The following TMEM108 variants were observed in gnomAD, a reference collection of about 807,000 sequenced individuals.
The protein encoded by TMEM108 is transmembrane protein 108.
A neutral mutation model predicts 35.1 loss-of-function variants in TMEM108; 12 were observed. That is an observed-to-expected ratio of 0.34 (90% CI 0.22 to 0.55). The LOEUF is 0.55. Ranked by LOEUF, TMEM108 falls within the 20% of genes least tolerant of loss-of-function variation. TMEM108 has a pLI of 0.89. For synonymous variants in TMEM108, 287 were observed against 308.6 expected, an observed-to-expected ratio of 0.93 and a Z score of 0.73; for missense variants, 680 against 753.3, an observed-to-expected ratio of 0.90 and a Z score of 1.14.
chr3:133,390,464 C>T (rs1250698272), intron 5 of TMEM108, 130 bp downstream of exon 5: 3 of 1,061,306 alleles, frequency 2.8e-6, no homozygotes, highest in Non-Finnish European at 1.4e-6. Context: ...TCAATAACAC[C>T]CAAGAGGTTG....
At chr3:133,132,935 G>A (rs1197210159) in intron 2 of TMEM108, among the ~76,000 whole-genome samples, 3 of 152,128 alleles carry the variant, frequency 2.0e-5, no homozygotes, top group African/African-American at 2.4e-5. Flanking sequence ...AAGTCACTGC[G>A]GATGTAGTGG....
chr3:133,275,991 G>A (rs1002078505), intron 3 of TMEM108, among the ~76,000 whole-genome samples: 6 of 152,162 alleles, frequency 3.9e-5, no homozygotes, highest in South Asian at 2.1e-4. Context: ...AGCCATGGAC[G>A]TGGCATTCTG....
chr3:133,110,126 T>C (rs184974088), intron 2 of TMEM108, among the ~76,000 whole-genome samples: 108 of 152,084 alleles, frequency 7.1e-4, no homozygotes, highest in African/African-American at 2.5e-3. Context: ...TCAGTGAAAA[T>C]GCAATCAGAT....
At chr3:133,129,865 A>G (rs1944466802) in intron 2 of TMEM108, among the ~76,000 whole-genome samples, 1 of 143,036 alleles carries the variant, frequency 7.0e-6, no homozygotes, top group Admixed American at 7.0e-5. Context: ...ATTACTTTCT[A>G]AATGTATTAT....
At chr3:133,231,649 CAG>C (rs1358520136) in intron 3 of TMEM108, among the ~76,000 whole-genome samples, 4 of 152,128 alleles carry the variant, frequency 2.6e-5, no homozygotes, top group African/African-American at 9.7e-5. Context: ...AACAGTAACT[CAG>C]GGGAAGAGGA....
chr3:133,114,269 G>A (rs1944260113), intron 2 of TMEM108, among the ~76,000 whole-genome samples: 1 of 152,112 alleles, frequency 6.6e-6, no homozygotes, highest in Non-Finnish European at 1.5e-5. Context: ...AAGCATGTAG[G>A]AAATTTTGTT....
chr3:133,107,884 C>T (rs147164127), intron 2 of TMEM108, among the ~76,000 whole-genome samples: 2 of 152,256 alleles, frequency 1.3e-5, no homozygotes, highest in East Asian at 3.9e-4. Flanking sequence ...TAAAGTGGCT[C>T]CACATCTTTG....
intron 3 of TMEM108, among the ~76,000 whole-genome samples, chr3:133,349,341 G>A (rs537843559): frequency 1.2e-4 from 18 of 151,922 alleles, no homozygotes; most frequent in African/African-American, 4.3e-4. Flanking sequence ...AATAGTAAAG[G>A]GATTATTTAA....
At chr3:133,255,601 G>A (rs1324753565) in intron 3 of TMEM108, among the ~76,000 whole-genome samples, 2 of 152,130 alleles carry the variant, frequency 1.3e-5, no homozygotes, top group Non-Finnish European at 2.9e-5. Flanking sequence ...TAGAGACAAT[G>A]GGGGAGACGT....
chr3:133,295,039 C>G (rs994041911), intron 3 of TMEM108, among the ~76,000 whole-genome samples: 3 of 152,052 alleles, frequency 2.0e-5, no homozygotes, highest in African/African-American at 7.2e-5. Flanking sequence ...GTATCCCCTC[C>G]CCACTAGGTA....
intron 3 of TMEM108, among the ~76,000 whole-genome samples, chr3:133,244,743 C>G (rs140873243): frequency 2.0e-5 from 3 of 152,156 alleles, no homozygotes; most frequent in African/African-American, 7.2e-5. Context: ...ACTTCGAAAA[C>G]GTAAAGTTCT....
chr3:133,092,549 A>G (rs966339479), intron 2 of TMEM108, among the ~76,000 whole-genome samples: 3 of 152,246 alleles, frequency 2.0e-5, no homozygotes, highest in African/African-American at 7.2e-5. Context: ...TTTGATTTTT[A>G]ACCCTGTTTT....
chr3:133,080,416 A>G (rs377008324), intron 2 of TMEM108, among the ~76,000 whole-genome samples: 2 of 152,174 alleles, frequency 1.3e-5, no homozygotes, highest in Non-Finnish European at 2.9e-5. Flanking sequence ...CATCTTCACC[A>G]TATTTTTTGC....
rs111514080 is a variant in TMEM108 at position 133,152,994 on chromosome 3, A to T, written c.-46-76272A>T. Among the ~76,000 whole-genome samples the T allele has an allele frequency of 5.9e-3, 901 of 152,226 alleles. 8 individuals are homozygous for T. The highest frequency in any genetic ancestry group is 0.01 in the South Asian group (49 of 4,816). ...TGTTTCATTTTGTACTCAGGCCAAG[A>T]TTTAACAGTCATGAGGGTTGGTTGT... On this transcript the variant is annotated intron_variant, in intron 2 of 5. Coordinates refer to ENST00000321871, the MANE Select transcript of TMEM108 (RefSeq NM_023943.4).
At chr3:133,078,424 AAG>A (rs1445175592) in intron 2 of TMEM108, among the ~76,000 whole-genome samples, 1 of 152,120 alleles carries the variant, frequency 6.6e-6, no homozygotes, top group Non-Finnish European at 1.5e-5. Context: ...ATGCTCTACA[AAG>A]CTGCTTTGTA....
At position 133,355,657 on chromosome 3, in the gene TMEM108, C is replaced by T. The variant is rs74648552; in HGVS notation, c.41-24095C>T. On this transcript the variant is annotated intron_variant, in intron 3 of 5. Transcript: ENST00000321871. Reference sequence around the variant, plus strand: ...CCAAAGCAACAACCAAGTTCTACAACGGAACAAAGGAAAGAAGACACTCAC... The same window carrying T: ...CCAAAGCAACAACCAAGTTCTACAATGGAACAAAGGAAAGAAGACACTCAC... 1.1e-4 allele frequency among the ~76,000 whole-genome samples: 17 copies of T among 152,192 alleles called. No homozygotes were observed. The East Asian group carries it at 1.2e-3, about 10-fold the overall frequency.
chr3:133,295,114 A>G lies in TMEM108; in HGVS notation c.40+65763A>G, dbSNP rs139222928. ...ATAAAATTTGAGATGCTGCAGTCAC[A>G]TATTATTAACATTTAGATCATAAGC... is the stretch of plus-strand genomic sequence containing the variant. On this transcript the variant is annotated intron_variant, in intron 3 of 5. Transcript: ENST00000321871. 6.6e-5 allele frequency among the ~76,000 whole-genome samples: 10 copies of G among 152,340 alleles called. No homozygotes were observed. The East Asian group carries it at 1.9e-3, about 29-fold the overall frequency.
intron 2 of TMEM108, among the ~76,000 whole-genome samples, chr3:133,151,633 T>C (rs976310078): frequency 2.6e-5 from 4 of 152,130 alleles, no homozygotes; most frequent in South Asian, 2.1e-4. Flanking sequence ...AAATAAATAA[T>C]AGTAACAAAG....
Position 133,397,291 on chromosome 3 carries a change from G to A in TMEM108, c.*1305G>A, listed in dbSNP as rs2107869045. ...TTGATAGTATATTTTGAATATAGATGCTCTTATAGTCAGATTGGGAATTGA... is the reference window on the plus strand; with the variant it reads ...TTGATAGTATATTTTGAATATAGATACTCTTATAGTCAGATTGGGAATTGA... On this transcript the variant is annotated 3_prime_UTR_variant, in exon 6 of 6. Transcript: ENST00000321871. 6.6e-6 allele frequency: 1 copy of A among 152,024 alleles called. No individual in the cohort carries two copies. The highest frequency in any genetic ancestry group is 1.9e-4 in the East Asian group (1 of 5,178). The allele number at this position is 152,024 out of a possible 1,614,324, so 9.4% of individuals were successfully genotyped here. A position where few individuals can be genotyped will look rare whatever the true frequency, so the allele number is the denominator to read the frequency against.
Sources: allele counts gnomAD v4.1 joint callset (sites outside exome capture counted in the v4.1 genomes callset), GRCh38; gene constraint gnomAD v4.1.1; transcripts MANE v1.5; gene names NCBI Gene and HGNC (gene_info 2026-07-23, HGNC 2026-07-21).